Variants in CCDC178 observed in about 807,000 individuals in gnomAD.
The protein encoded by CCDC178 is coiled-coil domain containing 178, also known as coiled-coil domain-containing protein 178.
In CCDC178, 126 loss-of-function variants were observed where a neutral mutation model predicts 117.4. The observed-to-expected ratio is 1.07, with a 90% confidence interval of 0.93 to 1.24. The LOEUF (loss-of-function observed/expected upper bound fraction) is 1.24. CCDC178 is among the 50% of genes most tolerant of loss of function. The pLI is 0.00. For missense variants in CCDC178, 1,030 were observed against 986.9 expected (o/e 1.04, Z -0.59); for synonymous variants, 283 against 313.4 (o/e 0.90, Z 1.02).
intron 21 of CCDC178, among the ~76,000 whole-genome samples, chr18:33,027,633 T>A (rs559149052): frequency 6.6e-6 from 1 of 151,842 alleles, no homozygotes; most frequent in East Asian, 1.9e-4. Flanking sequence ...ATTAACAAGA[T>A]ATTTTATATT....
chr18:33,287,688 G>T (rs922382000), intron 12 of CCDC178, among the ~76,000 whole-genome samples: 1 of 152,122 alleles, frequency 6.6e-6, no homozygotes, highest in Admixed American at 6.5e-5. Flanking sequence ...GCTGTGGCAG[G>T]AGAATCACTT....
chr18:33,314,200 C>CAAAAAAAAAA lies in CCDC178; in HGVS notation c.1022+9281_1022+9290dup, dbSNP rs869127341. Among the ~76,000 whole-genome samples the CAAAAAAAAAA allele has an allele frequency of 4.2e-4, 26 of 62,440 alleles. 2 individuals are homozygous for CAAAAAAAAAA. The highest frequency in any genetic ancestry group is 8.3e-4 in the African/African-American group (13 of 15,570). The allele number at this position is 62,440 out of a possible 152,430, so 41.0% of individuals were successfully genotyped here. A position where few individuals can be genotyped will look rare whatever the true frequency, so the allele number is the denominator to read the frequency against. On this transcript the variant is annotated intron_variant, in intron 11 of 22. Transcript: ENST00000383096. The stretch of plus-strand genomic sequence containing the variant: ...TGGGTGACAGAGCGAGACTCCGTCT[C>CAAAAAAAAAA]AAAAAAAAAAAAAAAAAAAAAAAAA...
intron 10 of CCDC178, among the ~76,000 whole-genome samples, chr18:33,328,561 C>A (rs1257292944): frequency 6.6e-6 from 1 of 152,088 alleles, no homozygotes; most frequent in Non-Finnish European, 1.5e-5. Context: ...GTTGAAGAGG[C>A]TACACTTTCT....
At chr18:32,980,374 G>C (rs1185252178) in intron 21 of CCDC178, among the ~76,000 whole-genome samples, 2 of 151,594 alleles carry the variant, frequency 1.3e-5, no homozygotes, top group African/African-American at 2.4e-5. Flanking sequence ...ACGAGGTCAG[G>C]AGATCGAGAC....
intron 5 of CCDC178, among the ~76,000 whole-genome samples, chr18:33,382,622 G>C (rs550378744): frequency 2.6e-4 from 39 of 152,196 alleles, no homozygotes; most frequent in Non-Finnish European, 5.3e-4. Context: ...AGGAAGTGGT[G>C]AGGGAATGTG....
chr18:33,426,008 A>G (rs1358340353), intron 2 of CCDC178, among the ~76,000 whole-genome samples: 1 of 152,220 alleles, frequency 6.6e-6, no homozygotes, highest in East Asian at 1.9e-4. Flanking sequence ...AAACAAAGCT[A>G]TATTATGAGG....
chr18:32,996,120 T>A (rs192020847), intron 21 of CCDC178, among the ~76,000 whole-genome samples: 1 of 151,538 alleles, frequency 6.6e-6, no homozygotes, highest in East Asian at 1.9e-4. Context: ...AGTAAAAATA[T>A]AATAGAAAAA....
Position 33,287,304 on chromosome 18 carries a change from T to TA in CCDC178, c.1176+5854dup, listed in dbSNP as rs2060110410. Among the ~76,000 whole-genome samples the TA allele has an allele frequency of 3.3e-5, 5 of 152,344 alleles. No individual in the cohort carries two copies. In the South Asian group the frequency reaches 1.0e-3, roughly 32 times the overall value. ...ACATCGTTGCTTTTAATTGAATGCT[T>TA]AACATGTGCTCTTTGAAAATCTAGC... On this transcript the variant is annotated intron_variant, in intron 12 of 22. Transcript: ENST00000383096.
chr18:32,985,673 A>G (rs2144726912), intron 21 of CCDC178, among the ~76,000 whole-genome samples: 1 of 152,188 alleles, frequency 6.6e-6, no homozygotes, highest in Non-Finnish European at 1.5e-5. Flanking sequence ...TGTGAACTAA[A>G]TTGAAGATAC....
chr18:33,100,997 A>T (rs1234998070), intron 20 of CCDC178, among the ~76,000 whole-genome samples: 1 of 151,984 alleles, frequency 6.6e-6, no homozygotes, highest in African/African-American at 2.4e-5. Flanking sequence ...AAATGGTTAC[A>T]GTATTTAAAG....
At chr18:33,073,593 A>C (rs2057152528) in intron 21 of CCDC178, among the ~76,000 whole-genome samples, 1 of 151,714 alleles carries the variant, frequency 6.6e-6, no homozygotes, top group Admixed American at 6.6e-5. Flanking sequence ...TTTTCCTATA[A>C]ATTTCTAGAT....
At chr18:33,056,591 A>T (rs1472787766) in intron 21 of CCDC178, among the ~76,000 whole-genome samples, 2 of 152,214 alleles carry the variant, frequency 1.3e-5, no homozygotes, top group Non-Finnish European at 2.9e-5. Context: ...TAAAAGTGAG[A>T]AGATTGAGAA....
At chr18:33,084,863 C>T (rs1291793848) in intron 21 of CCDC178, among the ~76,000 whole-genome samples, 3 of 151,848 alleles carry the variant, frequency 2.0e-5, no homozygotes, top group African/African-American at 4.8e-5. Context: ...ATTCATGTGT[C>T]ATTGCTGAGT....
chr18:33,148,024 TGGCC>T, intron 20 of CCDC178, among the ~76,000 whole-genome samples: 1 of 149,386 alleles, frequency 6.7e-6, no homozygotes, highest in East Asian at 2.0e-4. Flanking sequence ...ACGGGGCGGC[TGGCC>T]GGGCAGAGGC....
intron 14 of CCDC178, among the ~76,000 whole-genome samples, chr18:33,250,997 A>C (rs939885190): frequency 2.0e-5 from 3 of 151,714 alleles, no homozygotes; most frequent in Non-Finnish European, 3.0e-5. Flanking sequence ...ACAATAAAAA[A>C]ACCTTCAAAT....
intron 21 of CCDC178, among the ~76,000 whole-genome samples, chr18:32,985,465 A>G (rs527361557): frequency 1.3e-5 from 2 of 152,104 alleles, no homozygotes; most frequent in African/African-American, 4.8e-5. Context: ...TTCTAGCACT[A>G]GAAGAATGGC....
rs750045665 is a variant in CCDC178, at chr18:33,211,971, T to G, written c.2163A>C (p.Glu721Asp). ...DHYMQEKKDC[E>D]ERIFEEDQRF... ...TCTGATCTTCCTCAAAGATTCTCTC[T>G]TCACAGTCTTTTTTCTCTTGCATAT... is the stretch of plus-strand genomic sequence containing the variant. The change falls in exon 20 of 23, where the codon GAA becomes GAC. Residue 721 changes from glutamate to aspartate, a missense_variant. Physicochemically the swap from Glu to Asp is conservative, Grantham distance 45. Transcript: ENST00000383096. The G allele has an allele frequency of 5.0e-6, 8 of 1,609,918 alleles. No homozygotes were observed. Among genetic ancestry groups the G allele is most frequent in the Middle Eastern group, 1.7e-4 (1 of 6,024 alleles).
At chr18:33,139,622 T>G (rs1221474506) in intron 20 of CCDC178, among the ~76,000 whole-genome samples, 3 of 152,090 alleles carry the variant, frequency 2.0e-5, no homozygotes, top group Non-Finnish European at 2.9e-5. Context: ...GAGAGATGAT[T>G]TAGGGTATCT....
chr18:33,119,420 A>G (rs2057904908), intron 20 of CCDC178, among the ~76,000 whole-genome samples: 1 of 152,256 alleles, frequency 6.6e-6, no homozygotes, highest in African/African-American at 2.4e-5. Context: ...TGCAGCCAAC[A>G]GACACATGAA....
Sources: gnomAD v4.1 joint callset for allele counts (sites outside exome capture counted in the v4.1 genomes callset) on GRCh38, gnomAD v4.1.1 for gene constraint, MANE v1.5 for transcripts, NCBI Gene and HGNC (gene_info 2026-07-23, HGNC 2026-07-21) for gene names.